The following TRIM24 variants were observed in gnomAD, a reference collection of about 807,000 sequenced individuals.
TRIM24 encodes tripartite motif containing 24.
In TRIM24, 29 loss-of-function variants were observed where a neutral mutation model predicts 123.9. The observed-to-expected ratio is 0.23, with a 90% CI of 0.17 to 0.32. The LOEUF is 0.32. Ranked by LOEUF, TRIM24 falls within the 10% of genes least tolerant of loss-of-function variation. TRIM24 has a pLI of 1.00. For missense variants in TRIM24, 932 were observed against 1,295.3 expected (o/e 0.72, Z 4.31); for synonymous variants, 456 against 461.1 (o/e 0.99, Z 0.14).
At chr7:138,508,700 C>CGCGTTTGTGCGTGTGT (rs1182276337) in intron 2 of TRIM24, among the ~76,000 whole-genome samples, 1 of 35,510 alleles carries the variant, frequency 2.8e-5, no homozygotes, top group Admixed American at 2.9e-4. Context: ...TGTGCGCGCG[C>CGCGTTTGTGCGTGTGT]GTGTGTGCGT....
At position 138,540,404 on chromosome 7, in the gene TRIM24, C is replaced by A. The variant is rs146179026; in HGVS notation, c.1143+1601C>A. Among the ~76,000 whole-genome samples, 104 of 152,310 alleles carry A rather than the reference C, an allele frequency of 6.8e-4. 3 individuals carry two copies. In the East Asian group the frequency reaches 0.017, roughly 25 times the overall value. Reference sequence around the variant, plus strand: ...GTATCACCTAAGTTTATGGAATATTCTAAATTCTTTGTTGTCATCTCAACA... The same window carrying A: ...GTATCACCTAAGTTTATGGAATATTATAAATTCTTTGTTGTCATCTCAACA... On this transcript the variant is annotated intron_variant, in intron 7 of 18. Transcript: ENST00000343526.
rs117225567 is a variant in TRIM24, at chr7:138,468,891, C to G, written c.364+7979C>G. ...TCTGGTTCACAATCCCCGAATCTCTCTGGCTCCTTTGCTATGTTCTGCATT... is the reference window on the plus strand; with the variant it reads ...TCTGGTTCACAATCCCCGAATCTCTGTGGCTCCTTTGCTATGTTCTGCATT... On this transcript the variant is annotated intron_variant, in intron 1 of 18. Coordinates refer to ENST00000343526, the MANE Select transcript of TRIM24 (RefSeq NM_015905.3). 9.0e-3 allele frequency among the ~76,000 whole-genome samples: 1,368 copies of G among 152,316 alleles called. 14 individuals are homozygous for G. The highest frequency in any genetic ancestry group is 0.039 in the East Asian group (202 of 5,186).
At chr7:138,472,316 C>T (rs1343052593) in intron 1 of TRIM24, among the ~76,000 whole-genome samples, 2 of 151,602 alleles carry the variant, frequency 1.3e-5, no homozygotes, top group East Asian at 1.9e-4. Context: ...TTTGGTGAGG[C>T]TTCTGAGAAA....
intron 7 of TRIM24, among the ~76,000 whole-genome samples, chr7:138,545,915 A>G (rs1486959487): frequency 6.6e-6 from 1 of 152,218 alleles, no homozygotes; most frequent in African/African-American, 2.4e-5. Flanking sequence ...ACATGAATTC[A>G]TAACATAAAT....
chr7:138,573,399 T>G (rs1348561219), intron 11 of TRIM24, 108 bp from the exon 12 acceptor site: 2 of 1,063,500 alleles, frequency 1.9e-6, no homozygotes, highest in Non-Finnish European at 2.5e-6. Flanking sequence ...TATCTATGTT[T>G]TGTTATTCGA....
rs117864755 is a variant in TRIM24 at position 138,539,187 on chromosome 7, A to G, written c.1143+384A>G. Among the ~76,000 whole-genome samples the G allele has an allele frequency of 9.6e-3, 1,463 of 152,202 alleles. 18 individuals are homozygous for G. Among genetic ancestry groups the G allele is most frequent in the Non-Finnish European group, 0.013 (893 of 68,010 alleles). On this transcript the variant is annotated intron_variant, in intron 7 of 18. Transcript: ENST00000343526. The stretch of plus-strand genomic sequence containing the variant: ...ATACCTATTCACCCCCCTTGTACAC[A>G]TGATGAAACTAAGGCATGTGATTAT...
chr7:138,489,080 T>C (rs1795720485), intron 1 of TRIM24, among the ~76,000 whole-genome samples: 1 of 152,230 alleles, frequency 6.6e-6, no homozygotes, highest in Admixed American at 6.5e-5. Flanking sequence ...TCTTGTTGAA[T>C]TGATCCCTTT....
chr7:138,570,795 T>G, intron 10 of TRIM24, 35 bp from the exon 11 acceptor site: 1 of 1,607,110 alleles, frequency 6.2e-7, no homozygotes, highest in Non-Finnish European at 8.5e-7. Context: ...ATAAGCTTGT[T>G]GATAGCCTTT....
chr7:138,502,180 T>G (rs919645101), intron 1 of TRIM24, among the ~76,000 whole-genome samples: 1 of 152,188 alleles, frequency 6.6e-6, no homozygotes, highest in Non-Finnish European at 1.5e-5. Flanking sequence ...ATCTACCTGA[T>G]TCAGAAAGAG....
rs74345977 is a variant in TRIM24, at chr7:138,546,785, G to A, written c.1144-4278G>A. 4.2e-4 allele frequency among the ~76,000 whole-genome samples: 64 copies of A among 152,252 alleles called. No individual in the cohort carries two copies. In the East Asian group the frequency reaches 0.012, roughly 28 times the overall value. ...AATGGCTATTGTCAAAAAGATAAAGGTAACAAGTGTTGGAGAGGATGTGGA... is the reference window on the plus strand; with the variant it reads ...AATGGCTATTGTCAAAAAGATAAAGATAACAAGTGTTGGAGAGGATGTGGA... On this transcript the variant is annotated intron_variant, in intron 7 of 18. Transcript: ENST00000343526.
intron 7 of TRIM24, among the ~76,000 whole-genome samples, chr7:138,549,457 A>C (rs1797167190): frequency 1.3e-5 from 2 of 152,150 alleles, no homozygotes. Context: ...TTGGAACCTA[A>C]ATCTATTCTC....
chr7:138,586,252 G>T lies in TRIM24; in HGVS notation c.*1301G>T. ...CAGCATTTGACACAATATCTAAATG[G>T]TTTGCCGAAGTTAATCTGTATTTAT... On this transcript the variant is annotated 3_prime_UTR_variant, in exon 19 of 19. Transcript: ENST00000343526. 1 of 173,244 alleles carries T rather than the reference G, an allele frequency of 5.8e-6. No individual in the cohort carries two copies. Among genetic ancestry groups the T allele is most frequent in the South Asian group, 1.4e-4 (1 of 7,296 alleles). 10.7% of individuals were successfully genotyped at this position (173,244 alleles called of 1,614,324 possible). A position where few individuals can be genotyped will look rare whatever the true frequency, so the allele number is the denominator to read the frequency against.
Position 138,586,650 on chromosome 7 carries a change from C to T in TRIM24, c.*1699C>T, listed in dbSNP as rs1798024954. ...TAAAGTTGCATTTGACATTTGTTCT[C>T]CAAAGAGTGTTTGAACAGATTTTGA... On this transcript the variant is annotated 3_prime_UTR_variant, in exon 19 of 19. Coordinates refer to ENST00000343526, the MANE Select transcript of TRIM24 (RefSeq NM_015905.3). 6.6e-6 allele frequency: 1 copy of T among 152,214 alleles called. No homozygotes were observed. Among genetic ancestry groups the T allele is most frequent in the Non-Finnish European group, 1.5e-5 (1 of 68,038 alleles). 9.4% of individuals were successfully genotyped at this position (152,214 alleles called of 1,614,324 possible). A position where few individuals can be genotyped will look rare whatever the true frequency, so the allele number is the denominator to read the frequency against.
chr7:138,515,650 T>G (rs931477973), intron 3 of TRIM24, among the ~76,000 whole-genome samples: 1 of 152,234 alleles, frequency 6.6e-6, no homozygotes, highest in Non-Finnish European at 1.5e-5. Context: ...TATTTTTCTT[T>G]TATCTCTAAG....
chr7:138,467,451 C>T (rs1040912372), intron 1 of TRIM24, among the ~76,000 whole-genome samples: 13 of 152,184 alleles, frequency 8.5e-5, no homozygotes, highest in African/African-American at 3.1e-4. Context: ...AAGTGATTCT[C>T]CTGCCTCAGC....
intron 1 of TRIM24, among the ~76,000 whole-genome samples, chr7:138,479,507 G>A (rs1795478987): frequency 6.6e-6 from 1 of 151,942 alleles, no homozygotes; most frequent in African/African-American, 2.4e-5. Context: ...TGAGTAGCTG[G>A]GCGTGTGTCA....
chr7:138,483,708 T>C (rs1354827220), intron 1 of TRIM24, among the ~76,000 whole-genome samples: 1 of 152,156 alleles, frequency 6.6e-6, no homozygotes, highest in Non-Finnish European at 1.5e-5. Context: ...CAGGGCCACA[T>C]GATGGTTGCA....
At chr7:138,564,723 C>T (rs1797499484) in intron 9 of TRIM24, among the ~76,000 whole-genome samples, 2 of 152,172 alleles carry the variant, frequency 1.3e-5, no homozygotes, top group Non-Finnish European at 2.9e-5. Flanking sequence ...GTTTCCCTAT[C>T]TGTGGTTCCT....
intron 2 of TRIM24, among the ~76,000 whole-genome samples, chr7:138,508,690 TGTGCGCGC>T (rs1206163452): frequency 9.4e-6 from 1 of 106,176 alleles, no homozygotes; most frequent in East Asian, 2.4e-4. Flanking sequence ...TGTGTGTGTG[TGTGCGCGC>T]GCGTGTGTGC....
Sources: gnomAD v4.1 joint callset for allele counts (sites outside exome capture counted in the v4.1 genomes callset) on GRCh38, gnomAD v4.1.1 for gene constraint, MANE v1.5 for transcripts, NCBI Gene and HGNC (gene_info 2026-07-23, HGNC 2026-07-21) for gene names.